Variants in PPM1L observed in about 807,000 individuals in gnomAD.
PPM1L encodes the protein protein phosphatase 1L.
A neutral mutation model predicts 31.4 loss-of-function variants in PPM1L; 13 were observed. That is an observed-to-expected ratio of 0.41 (90% CI 0.27 to 0.66). The LOEUF (loss-of-function observed/expected upper bound fraction) is 0.66, where lower values mean the gene tolerates loss of function less well. PPM1L is among the 30% of genes least tolerant of loss of function. PPM1L has a pLI of 0.29. For synonymous variants in PPM1L, 184 were observed against 175.4 expected, an observed-to-expected ratio of 1.05 and a Z score of -0.39; for missense variants, 326 against 453.7, an observed-to-expected ratio of 0.72 and a Z score of 2.56.
intron 1 of PPM1L, among the ~76,000 whole-genome samples, chr3:160,835,114 C>CTTTT (rs1196417771): frequency 5.1e-4 from 52 of 102,322 alleles, no homozygotes; most frequent in African/African-American, 2.2e-3. Flanking sequence ...TTTCTTCCTT[C>CTTTT]TTCTTTCTTC....
intron 2 of PPM1L, among the ~76,000 whole-genome samples, chr3:161,002,665 G>A (rs1197250416): frequency 5.6e-5 from 8 of 143,958 alleles, no homozygotes; most frequent in South Asian, 2.4e-4. Flanking sequence ...CATGTCCTTC[G>A]CCCACTTTTT....
chr3:160,948,460 G>A (rs1715477397), intron 1 of PPM1L, among the ~76,000 whole-genome samples: 2 of 152,204 alleles, frequency 1.3e-5, no homozygotes, highest in South Asian at 4.1e-4. Flanking sequence ...GTCCTCGGCA[G>A]GAGGGGTCAG....
intron 1 of PPM1L, among the ~76,000 whole-genome samples, chr3:160,849,973 C>A (rs1401702078): frequency 6.6e-6 from 1 of 152,168 alleles, no homozygotes; most frequent in African/African-American, 2.4e-5. Context: ...TTCTCTGACA[C>A]CAGCTGAGTG....
intron 2 of PPM1L, among the ~76,000 whole-genome samples, chr3:160,998,071 C>T (rs1408320263): frequency 1.3e-5 from 2 of 152,006 alleles, no homozygotes; most frequent in Non-Finnish European, 2.9e-5. Flanking sequence ...CTAAAAGTTC[C>T]TATTATGTAA....
At position 160,961,869 on chromosome 3, in the gene PPM1L, G is replaced by A. The variant is rs75510734; in HGVS notation, c.533G>A (p.Arg178Gln). 2.2e-3 allele frequency: 3,530 copies of A among 1,590,354 alleles called. 3 individuals are homozygous for A. Among genetic ancestry groups the A allele is most frequent in the Non-Finnish European group, 2.7e-3 (3,198 of 1,169,996 alleles). The change falls in exon 2 of 4, where the codon CGA (arginine) becomes CAA (glutamine). Residue 178 changes from arginine (R) to glutamine (Q), a missense_variant. Physicochemically the swap from Arg to Gln is conservative, Grantham distance 43. Around this residue, in one of 3 missense-constraint regions of PPM1L, gnomAD observed 201 missense variants for 298.2 expected, o/e 0.67. Coordinates refer to ENST00000498165, the MANE Select transcript of PPM1L (RefSeq NM_139245.4). ...ILEQQILSID[R>Q]EMLEKLTVSY... ...GAACAGCAGATTTTGTCAATTGACC[G>A]AGAAATGCTAGAAAAATTGACTGTA... is the stretch of plus-strand genomic sequence containing the variant.
Position 160,758,205 on chromosome 3 carries a change from G to A in PPM1L, c.399+1498G>A, listed in dbSNP as rs569014322. ...TCCCCTCCCCTTGGTCACAGAGTAA[G>A]TGAAAGATATAAAATTAATTGAGGG... On this transcript the variant is annotated intron_variant, in intron 1 of 3. Coordinates refer to ENST00000498165, the MANE Select transcript of PPM1L (RefSeq NM_139245.4). Among the ~76,000 whole-genome samples the A allele has an allele frequency of 4.5e-3, 680 of 152,236 alleles. 3 individuals are homozygous for A. Among genetic ancestry groups the A allele is most frequent in the African/African-American group, 0.016 (662 of 41,528 alleles).
chr3:160,783,850 A>G (rs7613404), intron 1 of PPM1L, among the ~76,000 whole-genome samples: 8,885 of 152,228 alleles, frequency 0.058, 838 homozygotes, highest in African/African-American at 0.2. Context: ...ACTTAGAACT[A>G]TATTCTAAGG....
chr3:160,848,594 A>G (rs1014773232), intron 1 of PPM1L, among the ~76,000 whole-genome samples: 3 of 152,016 alleles, frequency 2.0e-5, no homozygotes, highest in Non-Finnish European at 1.5e-5. Flanking sequence ...GTCCTTCTCT[A>G]CCTTGCACTG....
At chr3:160,913,547 C>G (rs1714044628) in intron 1 of PPM1L, among the ~76,000 whole-genome samples, 1 of 152,080 alleles carries the variant, frequency 6.6e-6, no homozygotes, top group Non-Finnish European at 1.5e-5. Flanking sequence ...GTGCCCCTTC[C>G]CAGTTATTCT....
At chr3:160,838,131 T>C (rs1163552710) in intron 1 of PPM1L, among the ~76,000 whole-genome samples, 1 of 152,158 alleles carries the variant, frequency 6.6e-6, no homozygotes, top group African/African-American at 2.4e-5. Context: ...TAATTTAACA[T>C]TGGACTCCAG....
chr3:161,019,448 T>G (rs1349659708), intron 2 of PPM1L, among the ~76,000 whole-genome samples: 1 of 152,202 alleles, frequency 6.6e-6, no homozygotes, highest in Non-Finnish European at 1.5e-5. Flanking sequence ...TCCTCCTATC[T>G]TGGCTTGCAA....
chr3:160,862,189 C>G (rs564634396), intron 1 of PPM1L, among the ~76,000 whole-genome samples: 7 of 152,226 alleles, frequency 4.6e-5, no homozygotes, highest in African/African-American at 1.7e-4. Flanking sequence ...CACTCACTCC[C>G]AAAATTACTT....
chr3:161,041,505 C>T (rs1410933282), intron 2 of PPM1L, among the ~76,000 whole-genome samples: 3 of 152,130 alleles, frequency 2.0e-5, no homozygotes, highest in Non-Finnish European at 4.4e-5. Flanking sequence ...CATTTTTTCA[C>T]TTTGGGAGGC....
chr3:161,026,177 TC>T (rs1459443399), intron 2 of PPM1L, among the ~76,000 whole-genome samples: 4 of 152,182 alleles, frequency 2.6e-5, no homozygotes, highest in Non-Finnish European at 4.4e-5. Flanking sequence ...ATTAACTGCT[TC>T]CCAGATGCAA....
rs940007470 is a variant in PPM1L, at chr3:160,919,554, A to G, written c.400-42182A>G. On this transcript the variant is annotated intron_variant, in intron 1 of 3. Coordinates refer to ENST00000498165, the MANE Select transcript of PPM1L (RefSeq NM_139245.4). ...GCGAGAGAGGACGTCTGTTGCAAAT[A>G]TTGCATTACTTGTTATGTATACAAA... 5.9e-5 allele frequency among the ~76,000 whole-genome samples: 9 copies of G among 152,290 alleles called. No homozygotes were observed. The South Asian group carries it at 1.9e-3, about 32-fold the overall frequency.
At chr3:160,931,360 C>T (rs143287132) in intron 1 of PPM1L, among the ~76,000 whole-genome samples, 2 of 152,274 alleles carry the variant, frequency 1.3e-5, no homozygotes, top group Admixed American at 6.5e-5. Context: ...AAATGGGAAG[C>T]TGCACCCATC....
chr3:160,887,159 G>GA (rs1398325938), intron 1 of PPM1L, among the ~76,000 whole-genome samples: 4 of 151,838 alleles, frequency 2.6e-5, no homozygotes, highest in Non-Finnish European at 5.9e-5. Context: ...CAAGATTAGA[G>GA]AAAAAACAAT....
intron 2 of PPM1L, among the ~76,000 whole-genome samples, chr3:161,034,559 G>A (rs1718682480): frequency 6.6e-6 from 1 of 151,882 alleles, no homozygotes; most frequent in Admixed American, 6.6e-5. Context: ...GGATGAAGCT[G>A]GAAACCATCA....
chr3:160,859,888 C>T (rs2108119783), intron 1 of PPM1L, among the ~76,000 whole-genome samples: 1 of 152,266 alleles, frequency 6.6e-6, no homozygotes, highest in Non-Finnish European at 1.5e-5. Context: ...GATGCGGAAG[C>T]CTCTGGTGAG....
Sources: allele counts gnomAD v4.1 joint callset (sites outside exome capture counted in the v4.1 genomes callset), GRCh38; gene constraint gnomAD v4.1.1; regional missense constraint gnomAD v4.1.1; transcripts MANE v1.5; gene names NCBI Gene and HGNC (gene_info 2026-07-23, HGNC 2026-07-21).